The following CCDC178 variants were observed in gnomAD, a reference collection of about 807,000 sequenced individuals.
The protein encoded by CCDC178 is coiled-coil domain containing 178.
CCDC178 carries 126 observed loss-of-function variants against 117.4 expected under a neutral mutation model. The ratio of observed to expected loss-of-function variants is 1.07; its 90% CI spans 0.93 to 1.24. The LOEUF (loss-of-function observed/expected upper bound fraction) is 1.24, where lower values mean the gene tolerates loss of function less well. Among genes scored for constraint, CCDC178 ranks in the 50% most tolerant of loss-of-function variants. The pLI, the probability that CCDC178 is intolerant of heterozygous loss-of-function variation, is 0.00. For missense variants in CCDC178, 1,030 were observed against 986.9 expected (o/e 1.04, Z -0.59); for synonymous variants, 283 against 313.4 (o/e 0.90, Z 1.02).
rs181752661 is a variant in CCDC178, at chr18:33,133,949, G to A, written c.2239-41039C>T. 1.1e-4 allele frequency among the ~76,000 whole-genome samples: 17 copies of A among 152,000 alleles called. No homozygotes were observed. The East Asian group carries it at 3.1e-3, about 28-fold the overall frequency. ...TCTGGAAAAGAGTAGTTCATATGAT[G>A]TCGGCAAAGAGGAAAATCATTAAGT... On this transcript the variant is annotated intron_variant, in intron 20 of 22. Transcript: ENST00000383096.
At chr18:33,349,101 T>C in intron 7 of CCDC178, 126 bp from the exon 8 acceptor site, 1 of 547,014 alleles carries the variant, frequency 1.8e-6, no homozygotes, top group East Asian at 3.1e-5. Context: ...ATAATCTTAC[T>C]AGATAGGAGA....
chr18:33,415,303 A>C (rs1399935456), intron 2 of CCDC178, among the ~76,000 whole-genome samples: 1 of 152,206 alleles, frequency 6.6e-6, no homozygotes, highest in Non-Finnish European at 1.5e-5. Flanking sequence ...AACCAACCCA[A>C]ATGTCGATCA....
chr18:32,964,023 C>T (rs1156382990), intron 22 of CCDC178, among the ~76,000 whole-genome samples: 1 of 151,930 alleles, frequency 6.6e-6, no homozygotes, highest in Non-Finnish European at 1.5e-5. Flanking sequence ...ACATTTTACC[C>T]ATATCAATCA....
intron 22 of CCDC178, among the ~76,000 whole-genome samples, chr18:32,945,698 G>T (rs1326997695): frequency 1.3e-5 from 2 of 152,144 alleles, no homozygotes; most frequent in Admixed American, 1.3e-4. Context: ...AAAGGTGCAT[G>T]CTTTCTAAAA....
At chr18:33,175,629 C>T (rs1027267139) in intron 20 of CCDC178, among the ~76,000 whole-genome samples, 4 of 152,174 alleles carry the variant, frequency 2.6e-5, no homozygotes, top group Non-Finnish European at 5.9e-5. Flanking sequence ...TAAGCAGAGG[C>T]CACTGCAATG....
intron 20 of CCDC178, among the ~76,000 whole-genome samples, chr18:33,112,518 CT>C (rs1322580685): frequency 7.9e-5 from 12 of 151,734 alleles, no homozygotes; most frequent in African/African-American, 2.7e-4. Context: ...CTTTTTCTAG[CT>C]TTATCAATTT....
At chr18:32,944,792 C>T (rs1343632980) in intron 22 of CCDC178, among the ~76,000 whole-genome samples, 1 of 152,120 alleles carries the variant, frequency 6.6e-6, no homozygotes, top group African/African-American at 2.4e-5. Context: ...TGGTTTCCCC[C>T]ATACTGTTCT....
At chr18:33,410,689 C>A (rs913315123) in intron 3 of CCDC178, among the ~76,000 whole-genome samples, 1 of 152,130 alleles carries the variant, frequency 6.6e-6, no homozygotes, top group Non-Finnish European at 1.5e-5. Flanking sequence ...ATTTTCTCCT[C>A]CCCGTATTCA....
intron 3 of CCDC178, among the ~76,000 whole-genome samples, chr18:33,403,281 A>G (rs2063734700): frequency 6.6e-6 from 1 of 152,194 alleles, no homozygotes; most frequent in Non-Finnish European, 1.5e-5. Flanking sequence ...CTGTTCCGCC[A>G]TTAATTGACC....
chr18:33,309,188 C>CA (rs56164801), intron 11 of CCDC178, among the ~76,000 whole-genome samples: 10 of 143,318 alleles, frequency 7.0e-5, no homozygotes, highest in African/African-American at 1.8e-4. Context: ...TGTTTTTTGA[C>CA]AAAAAAAAAA....
chr18:33,287,171 A>G (rs2060108520), intron 12 of CCDC178, among the ~76,000 whole-genome samples: 1 of 152,172 alleles, frequency 6.6e-6, no homozygotes, highest in African/African-American at 2.4e-5. Flanking sequence ...AATTAAAAAA[A>G]AAATCATTTT....
intron 20 of CCDC178, among the ~76,000 whole-genome samples, chr18:33,197,133 T>G (rs2058939809): frequency 6.6e-6 from 1 of 151,910 alleles, no homozygotes; most frequent in African/African-American, 2.4e-5. Flanking sequence ...GCTCAAGCGA[T>G]TCTCCTGCCT....
intron 4 of CCDC178, among the ~76,000 whole-genome samples, chr18:33,389,994 GTATATA>G (rs72346999): frequency 6.8e-6 from 1 of 147,556 alleles, no homozygotes; most frequent in Non-Finnish European, 1.5e-5. Context: ...ATGTGTATGT[GTATATA>G]TATATATACT....
chr18:33,425,975 C>A (rs2064118560), intron 2 of CCDC178, among the ~76,000 whole-genome samples: 1 of 152,014 alleles, frequency 6.6e-6, no homozygotes, highest in African/African-American at 2.4e-5. Flanking sequence ...TGGGATGTTC[C>A]TGATAAGCAG....
At position 33,128,908 on chromosome 18, in the gene CCDC178, A is replaced by T. The variant is rs557165358; in HGVS notation, c.2239-35998T>A. Among the ~76,000 whole-genome samples, 3 of 152,304 alleles carry T rather than the reference A, an allele frequency of 2.0e-5. No individual in the cohort carries two copies. In the East Asian group the frequency reaches 5.8e-4, roughly 29 times the overall value. ...CTGCCTCTTTACATTAGCTAAATGA[A>T]GTCATCAGTAACCAAAATTGGAGAA... is the stretch of plus-strand genomic sequence containing the variant. On this transcript the variant is annotated intron_variant, in intron 20 of 22. Transcript: ENST00000383096.
At chr18:33,204,619 A>C (rs1856791120) in intron 20 of CCDC178, among the ~76,000 whole-genome samples, 1 of 152,156 alleles carries the variant, frequency 6.6e-6, no homozygotes, top group African/African-American at 2.4e-5. Flanking sequence ...TTTGTTGTTC[A>C]TGAGTAAAGA....
At chr18:33,270,672 T>C (rs181763137) in intron 12 of CCDC178, among the ~76,000 whole-genome samples, 17 of 151,722 alleles carry the variant, frequency 1.1e-4, no homozygotes, top group Admixed American at 9.9e-4. Flanking sequence ...TATTAGGACA[T>C]TCCCAGATAA....
At chr18:33,108,346 T>C (rs1962674648) in intron 20 of CCDC178, among the ~76,000 whole-genome samples, 1 of 151,610 alleles carries the variant, frequency 6.6e-6, no homozygotes, top group Non-Finnish European at 1.5e-5. Context: ...AAAAATTATG[T>C]TTTGCAGAAT....
At chr18:33,029,449 G>T (rs1293958391) in intron 21 of CCDC178, among the ~76,000 whole-genome samples, 1 of 151,810 alleles carries the variant, frequency 6.6e-6, no homozygotes, top group Non-Finnish European at 1.5e-5. Flanking sequence ...TCTCTTCGAA[G>T]AATCAGTTTT....
Sources: gnomAD v4.1 joint callset for allele counts (sites outside exome capture counted in the v4.1 genomes callset) on GRCh38, gnomAD v4.1.1 for gene constraint, MANE v1.5 for transcripts, NCBI Gene and HGNC (gene_info 2026-07-23, HGNC 2026-07-21) for gene names.